Variants in PYGL observed in about 807,000 individuals in gnomAD.
PYGL encodes the protein glycogen phosphorylase, liver form.
A neutral mutation model predicts 100.1 loss-of-function variants in PYGL; 90 were observed. That is an observed-to-expected ratio of 0.90 (90% CI 0.76 to 1.07). The LOEUF (loss-of-function observed/expected upper bound fraction) is 1.07. Ranked by LOEUF, PYGL falls within the 50% of genes least tolerant of loss-of-function variation. The pLI, the probability that PYGL is intolerant of heterozygous loss-of-function variation, is 0.00. For synonymous variants in PYGL, 373 were observed against 393.0 expected, an observed-to-expected ratio of 0.95 and a Z score of 0.60; for missense variants, 1,016 against 1,057.6, an observed-to-expected ratio of 0.96 and a Z score of 0.55.
chr14:50,927,954 C>T (rs1488145240), intron 4 of PYGL, among the ~76,000 whole-genome samples: 2 of 151,462 alleles, frequency 1.3e-5, no homozygotes, highest in African/African-American at 4.9e-5. Context: ...ACTAACATGC[C>T]AATCATATGA....
chr14:50,935,920 A>G (rs1212087047), intron 2 of PYGL, among the ~76,000 whole-genome samples: 1 of 152,206 alleles, frequency 6.6e-6, no homozygotes, highest in Non-Finnish European at 1.5e-5. Flanking sequence ...TGGGGTGGAT[A>G]AGAAGCTGTG....
chr14:50,920,860 G>C (rs2050493482), intron 6 of PYGL, 96 bp downstream of exon 6: 3 of 1,297,948 alleles, frequency 2.3e-6, no homozygotes, highest in Admixed American at 1.9e-5. Flanking sequence ...AGAAACTCAA[G>C]GCTTTTTTGT....
chr14:50,944,463 G>C lies in PYGL; in HGVS notation c.-60C>G. On this transcript the variant is annotated 5_prime_UTR_variant, in exon 1 of 20. Transcript: ENST00000216392. ...GAGAGCTGGAAGTGCGGCCGGAGGC[G>C]CTGGGCTGCCGGGCAGGGGTGGAGT... 5.2e-6 allele frequency: 8 copies of C among 1,531,992 alleles called. No individual in the cohort carries two copies. The highest frequency in any genetic ancestry group is 7.0e-6 in the Non-Finnish European group (8 of 1,142,412). 94.9% of individuals were successfully genotyped at this position (1,531,992 alleles called of 1,614,324 possible).
rs2050731982 is a variant in PYGL, at chr14:50,944,381, T to G, written c.23A>C (p.Gln8Pro). Reference protein sequence around the residue: MAKPLTDQEKRRQISIRG... With the variant: MAKPLTDPEKRRQISIRG... ...GATGCTGATCTGCCGCCGCTTCTCC[T>G]GGTCCGTCAGGGGCTTCGCCATGGC... The change falls in exon 1 of 20, where the codon CAG becomes CCG. Residue 8 changes from glutamine to proline, a missense_variant. Physicochemically the swap from Gln to Pro is moderately conservative, Grantham distance 76. Transcript: ENST00000216392. 3.7e-6 allele frequency: 6 copies of G among 1,612,994 alleles called. No homozygotes were observed. Among genetic ancestry groups the G allele is most frequent in the Non-Finnish European group, 5.1e-6 (6 of 1,179,692 alleles).
chr14:50,920,858 A>T (rs1487696152), intron 6 of PYGL, 98 bp downstream of exon 6: 1 of 1,285,122 alleles, frequency 7.8e-7, no homozygotes, highest in African/African-American at 1.5e-5. Flanking sequence ...TCAGAAACTC[A>T]AGGCTTTTTT....
chr14:50,944,228 G>A lies in PYGL; in HGVS notation c.176C>T (p.Thr59Met), dbSNP rs150483902. The change falls in exon 1 of 20, where the codon ACG becomes ATG. Residue 59 changes from threonine to methionine, a missense_variant. Transcript: ENST00000216392. ...TRDYYFALAH[T>M]VRDHLVGRWI... is the part of the protein sequence containing the mutation. ...GCGCCCCACCAGGTGGTCGCGCACC[G>A]TGTGCGCCAGCGCGAAGTAGTAGTC... The A allele has an allele frequency of 8.7e-4, 1,404 of 1,613,148 alleles. 12 individuals are homozygous for A. In the African/African-American group the frequency reaches 0.017, roughly 20 times the overall value.
At chr14:50,936,669 C>T (rs1331176228) in intron 2 of PYGL, among the ~76,000 whole-genome samples, 2 of 151,942 alleles carry the variant, frequency 1.3e-5, no homozygotes, top group Non-Finnish European at 2.9e-5. Flanking sequence ...ATGAGCTGGG[C>T]AAGGTGGTGC....
In PYGL at chr14:50,915,501, T is replaced by C. The variant is rs768485828; in HGVS notation, c.1240-2A>G. Reference sequence around the variant, plus strand: ...TTTAGGAAACAAGGCCACAATTCTCTAGCCAAAGGAAGAGAAAGCCCTTGC... The same window carrying C: ...TTTAGGAAACAAGGCCACAATTCTCCAGCCAAAGGAAGAGAAAGCCCTTGC... On this transcript the variant is annotated splice_acceptor_variant, in intron 10 of 19. Transcript: ENST00000216392. LOFTEE classifies it high-confidence loss of function. 3.1e-6 allele frequency: 5 copies of C among 1,614,210 alleles called. No homozygotes were observed. In the Admixed American group the frequency reaches 6.7e-5, roughly 22 times the overall value.
chr14:50,920,099 C>T (rs1206037903), intron 7 of PYGL, among the ~76,000 whole-genome samples: 1 of 152,006 alleles, frequency 6.6e-6, no homozygotes, highest in African/African-American at 2.4e-5. Context: ...ATGGGTCTGC[C>T]CCAGGGTCTC....
At chr14:50,908,383 A>G in intron 18 of PYGL, 46 bp from the exon 19 acceptor site, 2 of 1,432,116 alleles carry the variant, frequency 1.4e-6, no homozygotes, top group Non-Finnish European at 2.0e-6. Flanking sequence ...CAAAATCTTC[A>G]TTAATAGATA....
At chr14:50,914,914 G>T in intron 11 of PYGL, 99 bp from the exon 12 acceptor site, 1 of 878,646 alleles carries the variant, frequency 1.1e-6, no homozygotes, top group Non-Finnish European at 1.9e-6. Flanking sequence ...GCCAAGTGCA[G>T]GCTTAGAAAG....
intron 4 of PYGL, among the ~76,000 whole-genome samples, chr14:50,927,414 G>A (rs1034377714): frequency 6.6e-6 from 1 of 151,978 alleles, no homozygotes; most frequent in Admixed American, 6.6e-5. Flanking sequence ...TAGTAGAGAC[G>A]GGGTTTCACC....
chr14:50,923,763 C>A, intron 5 of PYGL: 1 of 405,164 alleles, frequency 2.5e-6, no homozygotes, highest in Non-Finnish European at 4.2e-6. Flanking sequence ...ATAAAAGTCA[C>A]TCCTCTCTTG....
chr14:50,939,074 TC>T (rs2050681851), intron 1 of PYGL, among the ~76,000 whole-genome samples: 1 of 152,224 alleles, frequency 6.6e-6, no homozygotes, highest in East Asian at 1.9e-4. Flanking sequence ...ACAGTCTCCC[TC>T]TGTCGGCCAG....
intron 4 of PYGL, among the ~76,000 whole-genome samples, chr14:50,928,487 T>C (rs3825541): frequency 0.23 from 34,735 of 152,038 alleles, 4,420 homozygotes; most frequent in East Asian, 0.45. Context: ...TGTGAGTGCC[T>C]TTCCACCCAG....
chr14:50,927,387 A>G (rs1461148935), intron 4 of PYGL, among the ~76,000 whole-genome samples: 1 of 151,738 alleles, frequency 6.6e-6, no homozygotes. Context: ...ACCACACACA[A>G]CTAATTTTTG....
At chr14:50,924,264 G>A (rs1254680861) in intron 4 of PYGL, among the ~76,000 whole-genome samples, 164 bp from the exon 5 acceptor site, 3 of 152,052 alleles carry the variant, frequency 2.0e-5, no homozygotes, top group Admixed American at 6.6e-5. Context: ...AATAATACTC[G>A]CTAATACAGC....
At chr14:50,905,766 A>C (rs1040071931) in intron 19 of PYGL, among the ~76,000 whole-genome samples, 1 of 152,250 alleles carries the variant, frequency 6.6e-6, no homozygotes, top group Admixed American at 6.5e-5. Context: ...AGGAATGAAA[A>C]AAAGGTATTT....
chr14:50,940,599 A>G (rs550920507), intron 1 of PYGL, among the ~76,000 whole-genome samples: 2 of 152,270 alleles, frequency 1.3e-5, no homozygotes, highest in East Asian at 1.9e-4. Flanking sequence ...TTGGGAATAT[A>G]TAAGACTTCA....
Sources: allele counts gnomAD v4.1 joint callset (sites outside exome capture counted in the v4.1 genomes callset), GRCh38; gene constraint gnomAD v4.1.1; transcripts MANE v1.5; gene names NCBI Gene and HGNC (gene_info 2026-07-23, HGNC 2026-07-21).